NEMP2: variants seen among roughly 807,000 people sequenced by gnomAD.
The protein encoded by NEMP2 is UPF0571 transmembrane protein.
Under a neutral mutation model 54.2 loss-of-function variants are expected in NEMP2, and 53 were observed. The ratio of observed to expected loss-of-function variants is 0.98; its 90% CI spans 0.78 to 1.23. The LOEUF (loss-of-function observed/expected upper bound fraction) is 1.23, where lower values mean the gene tolerates loss of function less well. Among genes scored for constraint, NEMP2 ranks in the 50% most tolerant of loss-of-function variants. The probability of loss-of-function intolerance (pLI) is 0.00; values close to 1 mark genes in which losing one functional copy is unlikely to be tolerated. For missense variants in NEMP2, 455 were observed against 511.3 expected, an observed-to-expected ratio of 0.89 and a Z score of 1.06; for synonymous variants, 197 against 190.3, an observed-to-expected ratio of 1.04 and a Z score of -0.29.
In NEMP2 at chr2:190,533,566, G is replaced by C. The variant is rs1197331346; in HGVS notation, c.97+993C>G. ...CTCACTGCAAGATTCCCTCAGTTGGGAGCTGTGGCAGAATCTGATAATGAC... is the reference window on the plus strand; with the variant it reads ...CTCACTGCAAGATTCCCTCAGTTGGCAGCTGTGGCAGAATCTGATAATGAC... On this transcript the variant is annotated intron_variant, in intron 1 of 8. Coordinates refer to ENST00000409150, the MANE Select transcript of NEMP2 (RefSeq NM_001142645.2). This position sits in a 1 kb window ranked among gnomAD's most constrained non-coding sequence, Gnocchi z 4.3. Among the ~76,000 whole-genome samples the C allele has an allele frequency of 1.3e-5, 2 of 152,066 alleles. No individual in the cohort carries two copies. Among genetic ancestry groups the C allele is most frequent in the East Asian group, 3.9e-4 (2 of 5,188 alleles).
chr2:190,450,406 C>A, the NEMP2 span, among the ~76,000 whole-genome samples: 14 of 151,788 alleles, frequency 9.2e-5, no homozygotes, highest in Admixed American at 2.0e-4. Flanking sequence ...GCAATTCTTA[C>A]CTTTTTTTCT....
At chr2:190,582,240 T>A in the NEMP2 span, among the ~76,000 whole-genome samples, 10 of 152,254 alleles carry the variant, frequency 6.6e-5, no homozygotes, top group Admixed American at 5.9e-4. The surrounding 1 kb of genome is among the most constrained non-coding windows in gnomAD (Gnocchi z 4.6). Context: ...GGCTTCAGGG[T>A]TTACTGTGGT....
chr2:190,438,821 A>G, the NEMP2 span, among the ~76,000 whole-genome samples: 1 of 152,218 alleles, frequency 6.6e-6, no homozygotes, highest in African/African-American at 2.4e-5. The surrounding 1 kb of genome is among the most constrained non-coding windows in gnomAD (Gnocchi z 5.2). Flanking sequence ...CTTTCTATTA[A>G]CTGAAGAAAA....
At chr2:190,449,759 C>A in the NEMP2 span, among the ~76,000 whole-genome samples, 1 of 151,556 alleles carries the variant, frequency 6.6e-6, no homozygotes, top group Admixed American at 6.6e-5. Context: ...TAAACTATCG[C>A]AAGAACAAAA....
the NEMP2 span, among the ~76,000 whole-genome samples, chr2:190,453,448 C>T: frequency 6.6e-6 from 1 of 152,172 alleles, no homozygotes; most frequent in Admixed American, 6.5e-5. Context: ...AGAACAGCTC[C>T]ATCTTCCTCC....
chr2:190,524,618 G>A (rs1341794762), intron 2 of NEMP2, among the ~76,000 whole-genome samples: 1 of 152,002 alleles, frequency 6.6e-6, no homozygotes, highest in Non-Finnish European at 1.5e-5. Context: ...TGGCCAATTT[G>A]CTCCCACTTC....
intron 1 of NEMP2, among the ~76,000 whole-genome samples, chr2:190,532,004 T>C (rs1245482179): frequency 1.3e-5 from 2 of 152,118 alleles, no homozygotes; most frequent in Non-Finnish European, 2.9e-5. Flanking sequence ...CAGATGAAAC[T>C]AGAATGGAAT....
the NEMP2 span, among the ~76,000 whole-genome samples, chr2:190,448,238 C>A: frequency 6.6e-6 from 1 of 152,172 alleles, no homozygotes; most frequent in African/African-American, 2.4e-5. Context: ...ACTGTGGAGA[C>A]CAATTTAGCA....
the NEMP2 span, among the ~76,000 whole-genome samples, chr2:190,566,332 A>C: frequency 6.6e-6 from 1 of 152,152 alleles, no homozygotes; most frequent in Admixed American, 6.5e-5. Context: ...TCTTACTGTC[A>C]GGTTTACTGG....
chr2:190,574,865 T>G, the NEMP2 span, among the ~76,000 whole-genome samples: 121,521 of 145,998 alleles, frequency 0.83, 50,691 homozygotes, highest in Admixed American at 0.87. Context: ...TCTTTGCTTT[T>G]CTTTGCTTTC....
chr2:190,582,788 A>C, the NEMP2 span, among the ~76,000 whole-genome samples: 2 of 152,178 alleles, frequency 1.3e-5, no homozygotes, highest in Non-Finnish European at 1.5e-5. This position sits in a 1 kb window ranked among gnomAD's most constrained non-coding sequence, Gnocchi z 4.6. Context: ...ACAGTATGCA[A>C]GTTTTAATTC....
At chr2:190,433,738 T>C in the NEMP2 span, among the ~76,000 whole-genome samples, 28 of 152,318 alleles carry the variant, frequency 1.8e-4, no homozygotes, top group Middle Eastern at 3.4e-3. The surrounding 1 kb of genome is among the most constrained non-coding windows in gnomAD (Gnocchi z 4.5). Flanking sequence ...TCTCCTTAAG[T>C]TGTGTTCCAT....
At chr2:190,534,512 G>T (rs757859448) in intron 1 of NEMP2, 47 bp downstream of exon 1, 6 of 1,357,554 alleles carry the variant, frequency 4.4e-6, no homozygotes, top group Non-Finnish European at 5.7e-6. Flanking sequence ...CGCGAAGCCG[G>T]GGAGCGAGCA....
the NEMP2 span, among the ~76,000 whole-genome samples, chr2:190,644,565 A>G: frequency 6.6e-6 from 1 of 152,250 alleles, no homozygotes; most frequent in Non-Finnish European, 1.5e-5. The surrounding 1 kb of genome is among the most constrained non-coding windows in gnomAD (Gnocchi z 4.4). Flanking sequence ...GCAGCCATAA[A>G]AAAGAACAGG....
the NEMP2 span, among the ~76,000 whole-genome samples, chr2:190,613,490 T>C: frequency 6.6e-5 from 10 of 152,242 alleles, no homozygotes; most frequent in Admixed American, 2.6e-4. Flanking sequence ...TGACACCTTA[T>C]AGTATTTGAC....
chr2:190,478,849 GC>G, the NEMP2 span, among the ~76,000 whole-genome samples: 11 of 150,708 alleles, frequency 7.3e-5, no homozygotes, highest in African/African-American at 2.7e-4. Flanking sequence ...AAAAAAATAA[GC>G]AAAGTCTGTC....
the NEMP2 span, among the ~76,000 whole-genome samples, chr2:190,618,792 T>C: frequency 6.6e-6 from 1 of 152,224 alleles, no homozygotes; most frequent in African/African-American, 2.4e-5. Flanking sequence ...TTGCCCATGC[T>C]GATCTTGAAC....
the NEMP2 span, among the ~76,000 whole-genome samples, chr2:190,643,847 C>G: frequency 2.6e-3 from 388 of 152,080 alleles, 2 homozygotes; most frequent in African/African-American, 7.6e-3. Flanking sequence ...ATGACTGGAG[C>G]CTGGGAGGTT....
In NEMP2 at chr2:190,519,108, T is replaced by C; in HGVS notation, c.289A>G (p.Ile97Val). The change falls in exon 3 of 9, where the codon ATT (isoleucine) becomes GTT (valine). Residue 97 changes from isoleucine to valine, a missense_variant. Coordinates refer to ENST00000409150, the MANE Select transcript of NEMP2 (RefSeq NM_001142645.2). The surrounding 1 kb of genome is among the most constrained non-coding windows in gnomAD (Gnocchi z 5.4). ...ERHNCQYPEN[I>V]LSFIKCVIHN... ...ATCACACATTTGATAAAAGATAGAA[T>C]GTTTTCTGGATATTGGCAATTATGT... is the stretch of plus-strand genomic sequence containing the variant. 5.8e-6 allele frequency: 9 copies of C among 1,551,316 alleles called. No individual in the cohort carries two copies. Among genetic ancestry groups the C allele is most frequent in the Non-Finnish European group, 7.8e-6 (9 of 1,146,964 alleles).
Sources: allele counts gnomAD v4.1 joint callset (sites outside exome capture counted in the v4.1 genomes callset), GRCh38; gene constraint gnomAD v4.1.1; non-coding constraint Gnocchi (gnomAD v3.1); transcripts MANE v1.5; gene names NCBI Gene and HGNC (gene_info 2026-07-23, HGNC 2026-07-21).